The following CSMD2 variants were observed in gnomAD, a reference collection of about 807,000 sequenced individuals.
CSMD2 encodes CUB and sushi domain-containing protein 2.
Under a neutral mutation model 398.5 loss-of-function variants are expected in CSMD2, and 130 were observed. That is an observed-to-expected ratio of 0.33 (90% CI 0.28 to 0.38). The LOEUF (loss-of-function observed/expected upper bound fraction) is 0.38, where lower values mean the gene tolerates loss of function less well. Ranked by LOEUF, CSMD2 falls within the 10% of genes least tolerant of loss-of-function variation. CSMD2 has a pLI of 1.00. For synonymous variants in CSMD2, 1,828 were observed against 1,908.5 expected (o/e 0.96, Z 1.10); for missense variants, 3,829 against 4,764.9 (o/e 0.80, Z 5.78).
In CSMD2 at chr1:33,726,624, G is replaced by A; in HGVS notation, c.2430C>T (p.Gly810=). The A allele has an allele frequency of 1.9e-6, 3 of 1,613,648 alleles. No homozygotes were observed. The highest frequency in any genetic ancestry group is 2.5e-6 in the Non-Finnish European group (3 of 1,179,980). Residue 810 remains glycine (G), a synonymous_variant, in exon 16 of 71, where the codon GGC becomes GGT. Transcript: ENST00000373381. Reference sequence around the variant, plus strand: ...CACAGCTCAAGGCATCCTTGTAGAAGCCAGGCCAGCCCGGAGAGAGGATGG... The same window carrying A: ...CACAGCTCAAGGCATCCTTGTAGAAACCAGGCCAGCCCGGAGAGAGGATGG... The part of the protein sequence containing the change: ...SGTILSPGWP[G]FYKDALSCAW...
chr1:33,737,338 C>T (rs926977281), intron 15 of CSMD2, among the ~76,000 whole-genome samples: 1 of 152,194 alleles, frequency 6.6e-6, no homozygotes, highest in Non-Finnish European at 1.5e-5. Flanking sequence ...ACGGTTGGGG[C>T]AAGTTCCTGG....
Position 33,647,016 on chromosome 1 carries a change from A to G in CSMD2, c.4587-181T>C, listed in dbSNP as rs114891317. On this transcript the variant is annotated intron_variant, in intron 28 of 70. Coordinates refer to ENST00000373381, the MANE Select transcript of CSMD2 (RefSeq NM_001281956.2). ...AGATGAGGCCCTGATGACCTCAGTCAGGTGAGAAGATGGAAGAGGCAGGCT... is the reference window on the plus strand; with the variant it reads ...AGATGAGGCCCTGATGACCTCAGTCGGGTGAGAAGATGGAAGAGGCAGGCT... 4.6e-3 allele frequency among the ~76,000 whole-genome samples: 704 copies of G among 152,316 alleles called. 6 individuals carry two copies. Among genetic ancestry groups the G allele is most frequent in the African/African-American group, 0.016 (682 of 41,570 alleles).
At chr1:33,758,990 A>G (rs1286178945) in intron 13 of CSMD2, among the ~76,000 whole-genome samples, 1 of 152,200 alleles carries the variant, frequency 6.6e-6, no homozygotes, top group African/African-American at 2.4e-5. Flanking sequence ...ATGAGTAATA[A>G]ATAAATATTT....
In CSMD2 at chr1:33,633,091, T is replaced by C. The variant is rs992688444; in HGVS notation, c.5200+331A>G. On this transcript the variant is annotated intron_variant, in intron 32 of 70. Transcript: ENST00000373381. This position sits in a 1 kb window ranked among gnomAD's most constrained non-coding sequence, Gnocchi z 5.0. ...TTTATTTTGATTCTGTATGCAATTA[T>C]TTTGTTTTGTCACTAAGTTTTCTAT... Among the ~76,000 whole-genome samples the C allele has an allele frequency of 2.0e-5, 3 of 152,238 alleles. No individual in the cohort carries two copies. Among genetic ancestry groups the C allele is most frequent in the Admixed American group, 6.5e-5 (1 of 15,292 alleles).
rs143932108 is a variant in CSMD2, at chr1:34,047,526, G to A, written c.405-14820C>T. 2.9e-3 allele frequency among the ~76,000 whole-genome samples: 443 copies of A among 151,772 alleles called. 11 individuals carry two copies. Among genetic ancestry groups the A allele is most frequent in the Non-Finnish European group, 2.0e-3 (136 of 67,966 alleles). Reference sequence around the variant, plus strand: ...TATTTGATCACTCCTTATTTATTACGTCTACCTTTTCCCACCAGTGTGTGA... The same window carrying A: ...TATTTGATCACTCCTTATTTATTACATCTACCTTTTCCCACCAGTGTGTGA... On this transcript the variant is annotated intron_variant, in intron 2 of 70. Transcript: ENST00000373381.
At chr1:33,839,958 T>C (rs1176053669) in intron 6 of CSMD2, 1 of 152,218 alleles carries the variant, frequency 6.6e-6, no homozygotes, top group Non-Finnish European at 1.5e-5. Context: ...CGCTCAGAGA[T>C]TTTTTGAAAA....
chr1:33,656,862 C>A (rs921169713), intron 27 of CSMD2, among the ~76,000 whole-genome samples: 4 of 152,126 alleles, frequency 2.6e-5, no homozygotes, highest in Admixed American at 6.6e-5. Context: ...AGTAAATGTC[C>A]AGTATGGGGC....
At chr1:33,943,710 C>T (rs780041843) in intron 3 of CSMD2, among the ~76,000 whole-genome samples, 2 of 152,048 alleles carry the variant, frequency 1.3e-5, no homozygotes, top group Non-Finnish European at 1.5e-5. Flanking sequence ...GGCTTCCAAA[C>T]AGGAGCTGAG....
intron 53 of CSMD2, among the ~76,000 whole-genome samples, chr1:33,560,554 C>T (rs1016059789): frequency 2.0e-5 from 3 of 152,324 alleles, no homozygotes; most frequent in Admixed American, 1.3e-4. Flanking sequence ...GGACATTGTT[C>T]CTGCAGATAT....
Position 33,571,545 on chromosome 1 carries a change from C to A in CSMD2, c.7944G>T (p.Thr2648=). 6.8e-7 allele frequency: 1 copy of A among 1,480,406 alleles called. No individual in the cohort carries two copies. Among genetic ancestry groups the A allele is most frequent in the South Asian group, 1.5e-5 (1 of 68,072 alleles). The allele number at this position is 1,480,406 out of a possible 1,614,324, so 91.7% of individuals were successfully genotyped here. A position where few individuals can be genotyped will look rare whatever the true frequency, so the allele number is the denominator to read the frequency against. ...ANGKWSLGDS[T]PTCRIISCGE... ...TCCTGGGCTTACTTCGGCAGGTGGGCGTAGAGTCCCCGAGGCTCCATTTGC... is the reference window on the plus strand; with the variant it reads ...TCCTGGGCTTACTTCGGCAGGTGGGAGTAGAGTCCCCGAGGCTCCATTTGC... Residue 2648 remains threonine (T), a synonymous_variant, in exon 51 of 71, where the codon ACG becomes ACT. Transcript: ENST00000373381.
chr1:33,971,599 A>G (rs1477519954), intron 3 of CSMD2, among the ~76,000 whole-genome samples: 1 of 152,240 alleles, frequency 6.6e-6, no homozygotes, highest in African/African-American at 2.4e-5. Context: ...TCCTCGTGAA[A>G]GGACAGAGCT....
At chr1:33,779,450 T>C (rs1652417312) in intron 12 of CSMD2, among the ~76,000 whole-genome samples, 2 of 152,234 alleles carry the variant, frequency 1.3e-5, no homozygotes, top group East Asian at 1.9e-4. Context: ...TGAGCTTCTG[T>C]ACACAAGATA....
chr1:33,653,509 G>A (rs1177853544), intron 27 of CSMD2, among the ~76,000 whole-genome samples: 1 of 152,162 alleles, frequency 6.6e-6, no homozygotes, highest in Non-Finnish European at 1.5e-5. Context: ...GTGTACCTCA[G>A]TTGTATGGAG....
At chr1:34,140,317 CAAA>C (rs35742065) in intron 1 of CSMD2, among the ~76,000 whole-genome samples, 1 of 137,766 alleles carries the variant, frequency 7.3e-6, no homozygotes, top group African/African-American at 2.7e-5. Flanking sequence ...AACAAACAAA[CAAA>C]AAAAAACCCA....
chr1:34,062,702 C>G (rs1654653265), intron 2 of CSMD2, among the ~76,000 whole-genome samples: 1 of 152,190 alleles, frequency 6.6e-6, no homozygotes, highest in Admixed American at 6.5e-5. Context: ...TTGGCCTGTT[C>G]TGCTGAAAGG....
intron 1 of CSMD2, among the ~76,000 whole-genome samples, chr1:34,159,372 T>C (rs939728410): frequency 2.3e-5 from 3 of 133,082 alleles, no homozygotes; most frequent in Non-Finnish European, 4.6e-5. Flanking sequence ...GAATGGACAA[T>C]AGCTGCTTGA....
intron 21 of CSMD2, among the ~76,000 whole-genome samples, chr1:33,710,496 G>A (rs991894359): frequency 6.6e-6 from 1 of 152,224 alleles, no homozygotes; most frequent in Admixed American, 6.5e-5. Context: ...CCGGAAGGAT[G>A]TAAATACAAG....
intron 56 of CSMD2, among the ~76,000 whole-genome samples, 160 bp downstream of exon 56, chr1:33,550,017 A>G (rs560223725): frequency 6.6e-6 from 1 of 152,248 alleles, no homozygotes; most frequent in South Asian, 2.1e-4. Flanking sequence ...CTCCATTGGG[A>G]CCTTGTCTTG....
rs571307607 is a variant in CSMD2, at chr1:33,518,284, G to A, written c.*53+1181C>T. 7.9e-5 allele frequency among the ~76,000 whole-genome samples: 12 copies of A among 152,320 alleles called. No individual in the cohort carries two copies. The East Asian group carries it at 1.9e-3, about 24-fold the overall frequency. On this transcript the variant is annotated intron_variant, in intron 70 of 70. Coordinates refer to ENST00000373381, the MANE Select transcript of CSMD2 (RefSeq NM_001281956.2). This position sits in a 1 kb window ranked among gnomAD's most constrained non-coding sequence, Gnocchi z 4.3. The stretch of plus-strand genomic sequence containing the variant: ...AAGGGTCATAGGTCCCAGAGGTGAG[G>A]GTGTCATCGAAGGAGGACACAGTGA...
Sources: gnomAD v4.1 joint callset for allele counts (sites outside exome capture counted in the v4.1 genomes callset) on GRCh38, gnomAD v4.1.1 for gene constraint, Gnocchi (gnomAD v3.1) non-coding constraint, MANE v1.5 for transcripts, NCBI Gene and HGNC (gene_info 2026-07-23, HGNC 2026-07-21) for gene names.